ZCCHC14: variants seen among roughly 807,000 people sequenced by gnomAD.
The protein encoded by ZCCHC14 is zinc finger CCHC-type containing 14, also known as zinc finger CCHC domain-containing protein 14.
Under a neutral mutation model 85.0 loss-of-function variants are expected in ZCCHC14, and 16 were observed. That is an observed-to-expected ratio of 0.19 (90% confidence interval 0.13 to 0.29). The LOEUF (loss-of-function observed/expected upper bound fraction) is 0.29. ZCCHC14 is among the 10% of genes least tolerant of loss of function. The pLI is 1.00. For synonymous variants in ZCCHC14, 775 were observed against 630.7 expected, an observed-to-expected ratio of 1.23 and a Z score of -3.43; for missense variants, 1,303 against 1,443.5, an observed-to-expected ratio of 0.90 and a Z score of 1.58.
At chr16:87,478,533 G>A (rs1347251372) in intron 1 of ZCCHC14, among the ~76,000 whole-genome samples, 6 of 152,202 alleles carry the variant, frequency 3.9e-5, no homozygotes, top group Middle Eastern at 3.4e-3. Flanking sequence ...TTGTGTCCGG[G>A]TAGAGTTTAC....
chr16:87,419,035 C>T, intron 6 of ZCCHC14, 134 bp from the exon 7 acceptor site: 1 of 742,394 alleles, frequency 1.3e-6, no homozygotes, highest in Non-Finnish European at 2.1e-6. Context: ...CGGCTCACTG[C>T]AACCTCTGCC....
intron 1 of ZCCHC14, among the ~76,000 whole-genome samples, chr16:87,476,543 C>T (rs1264949905): frequency 6.6e-6 from 1 of 151,914 alleles, no homozygotes; most frequent in Non-Finnish European, 1.5e-5. Context: ...GGTATTAACT[C>T]CAAGCAGACT....
chr16:87,428,530 T>G lies in ZCCHC14; in HGVS notation c.768+4598A>C, dbSNP rs1389654442. 3.3e-5 allele frequency among the ~76,000 whole-genome samples: 5 copies of G among 152,334 alleles called. No individual in the cohort carries two copies. The East Asian group carries it at 9.6e-4, about 29-fold the overall frequency. On this transcript the variant is annotated intron_variant, in intron 3 of 12. Transcript: ENST00000671377. ...AAGGTTCTATGGACAAAAGGAAAAT[T>G]TGAATCTTCAAGTATTTTTTTTTAA...
chr16:87,489,711 G>A (rs1259492188), intron 1 of ZCCHC14, among the ~76,000 whole-genome samples: 1 of 152,156 alleles, frequency 6.6e-6, no homozygotes, highest in Admixed American at 6.5e-5. Flanking sequence ...TGAGCAGAGA[G>A]GAATAGATTA....
At chr16:87,445,916 T>G (rs7187462) in intron 2 of ZCCHC14, among the ~76,000 whole-genome samples, 3,860 of 152,316 alleles carry the variant, frequency 0.025, 160 homozygotes, top group African/African-American at 0.089. Flanking sequence ...GAAATCAACC[T>G]ATTTTTCTAG....
Position 87,451,634 on chromosome 16 carries a change from A to C in ZCCHC14, c.694+8374T>G, listed in dbSNP as rs12446718. Reference sequence around the variant, plus strand: ...GCGCAGCGCCAGCCATAAGTGATATAAAAATGAAAAGGTTCAAAGAAGTGA... The same window carrying C: ...GCGCAGCGCCAGCCATAAGTGATATCAAAATGAAAAGGTTCAAAGAAGTGA... On this transcript the variant is annotated intron_variant, in intron 2 of 12. Coordinates refer to ENST00000671377, the MANE Select transcript of ZCCHC14 (RefSeq NM_015144.3). Among the ~76,000 whole-genome samples the C allele has an allele frequency of 2.1e-3, 314 of 152,382 alleles. 4 individuals are homozygous for C. Among genetic ancestry groups the C allele is most frequent in the Admixed American group, 0.017 (265 of 15,312 alleles).
At chr16:87,422,902 TC>T (rs1909176307) in intron 4 of ZCCHC14, among the ~76,000 whole-genome samples, 1 of 138,802 alleles carries the variant, frequency 7.2e-6, no homozygotes, top group South Asian at 2.1e-4. Flanking sequence ...AAAAGCAGAT[TC>T]CCGGGGGGGG....
At position 87,424,723 on chromosome 16, in the gene ZCCHC14, T is replaced by C. The variant is rs116702918; in HGVS notation, c.769-842A>G. ...TACTTTTTGCACATTAGAGGGAGTTTCTGCATGGAGAAGAGCTTGGGTTGA... is the reference window on the plus strand; with the variant it reads ...TACTTTTTGCACATTAGAGGGAGTTCCTGCATGGAGAAGAGCTTGGGTTGA... On this transcript the variant is annotated intron_variant, in intron 3 of 12. Transcript: ENST00000671377. 1.8e-3 allele frequency among the ~76,000 whole-genome samples: 273 copies of C among 152,192 alleles called. 1 individual carries two copies. Among genetic ancestry groups the C allele is most frequent in the African/African-American group, 6.1e-3 (255 of 41,534 alleles).
intron 1 of ZCCHC14, chr16:87,473,751 A>C (rs1911879992): frequency 6.6e-6 from 1 of 151,986 alleles, no homozygotes. Flanking sequence ...GATACCAGCC[A>C]CAGTATAGGT....
intron 2 of ZCCHC14, among the ~76,000 whole-genome samples, chr16:87,438,303 A>G (rs1202835697): frequency 6.6e-6 from 1 of 152,246 alleles, no homozygotes; most frequent in Non-Finnish European, 1.5e-5. Flanking sequence ...ATTTATTTGG[A>G]TATTTTCCTT....
intron 1 of ZCCHC14, among the ~76,000 whole-genome samples, chr16:87,477,965 C>T (rs1438407003): frequency 2.0e-5 from 3 of 151,914 alleles, no homozygotes; most frequent in East Asian, 1.9e-4. Context: ...ACATCGCTCC[C>T]GAGTCCGCTG....
At chr16:87,470,109 G>C (rs896403533) in intron 1 of ZCCHC14, among the ~76,000 whole-genome samples, 1 of 151,964 alleles carries the variant, frequency 6.6e-6, no homozygotes, top group Non-Finnish European at 1.5e-5. Flanking sequence ...TAGACAGGTG[G>C]AACTCCTGAG....
At chr16:87,427,911 G>A (rs1370286755) in intron 3 of ZCCHC14, among the ~76,000 whole-genome samples, 1 of 151,062 alleles carries the variant, frequency 6.6e-6, no homozygotes, top group Non-Finnish European at 1.5e-5. Context: ...GGATTTACAG[G>A]CATGAGCCAC....
chr16:87,488,945 A>C (rs879679446), intron 1 of ZCCHC14, among the ~76,000 whole-genome samples: 1 of 144,216 alleles, frequency 6.9e-6, no homozygotes, highest in African/African-American at 2.8e-5. Context: ...CTAAAAGAAA[A>C]ATACAAAGTC....
chr16:87,490,435 G>A (rs562438592), intron 1 of ZCCHC14, among the ~76,000 whole-genome samples: 2 of 152,342 alleles, frequency 1.3e-5, no homozygotes, highest in Non-Finnish European at 2.9e-5. Context: ...CATCACACCA[G>A]GTCAAAGTAA....
chr16:87,446,907 G>C (rs940157963), intron 2 of ZCCHC14, among the ~76,000 whole-genome samples: 4 of 152,008 alleles, frequency 2.6e-5, no homozygotes, highest in African/African-American at 4.8e-5. Context: ...CGCTGGTCTT[G>C]AACTCCTGAC....
rs1227756741 is a variant in ZCCHC14 at position 87,460,105 on chromosome 16, G to C, written c.597C>G (p.Val199=). 3 of 1,614,174 alleles carry C rather than the reference G, an allele frequency of 1.9e-6. No homozygotes were observed. The highest frequency in any genetic ancestry group is 2.5e-6 in the Non-Finnish European group (3 of 1,180,024). ...HKITPRTEAP[V]SSVSNSLENA... ...TCTCCAAACTATTACTGACACTGCTGACAGGGGCCTCAGTTCTTGGAGTGA... is the reference window on the plus strand; with the variant it reads ...TCTCCAAACTATTACTGACACTGCTCACAGGGGCCTCAGTTCTTGGAGTGA... Residue 199 remains valine (V), a synonymous_variant, in exon 2 of 13, where the codon GTC becomes GTG. Coordinates refer to ENST00000671377, the MANE Select transcript of ZCCHC14 (RefSeq NM_015144.3).
At chr16:87,485,354 C>G (rs906556180) in intron 1 of ZCCHC14, among the ~76,000 whole-genome samples, 9 of 152,202 alleles carry the variant, frequency 5.9e-5, no homozygotes, top group Non-Finnish European at 1.0e-4. Context: ...TCTGGATGAT[C>G]TCTTTTTACC....
In ZCCHC14 at chr16:87,410,375, G is replaced by A. The variant is rs376866262; in HGVS notation, c.3206-40C>T. 1.6e-4 allele frequency: 124 copies of A among 759,464 alleles called. 1 individual carries two copies. In the Middle Eastern group the frequency reaches 3.2e-3, roughly 20 times the overall value. The allele number at this position is 759,464 out of a possible 1,614,324, so 47.0% of individuals were successfully genotyped here. On this transcript the variant is annotated intron_variant, in intron 12 of 12. Coordinates refer to ENST00000671377, the MANE Select transcript of ZCCHC14 (RefSeq NM_015144.3). The stretch of plus-strand genomic sequence containing the variant: ...AAAAAGAGGTCAAATTTGAATGACT[G>A]TAGAATCACCACCAACCACCAATCT...
Sources: gnomAD v4.1 joint callset for allele counts (sites outside exome capture counted in the v4.1 genomes callset) on GRCh38, gnomAD v4.1.1 for gene constraint, MANE v1.5 for transcripts, NCBI Gene and HGNC (gene_info 2026-07-23, HGNC 2026-07-21) for gene names.